The following SLIT2 variants were observed in gnomAD, a reference collection of about 807,000 sequenced individuals.
SLIT2 encodes slit guidance ligand 2, also known as slit homolog 2 protein.
In SLIT2, 41 loss-of-function variants were observed where a neutral mutation model predicts 185.7. That is an observed-to-expected ratio of 0.22 (90% CI 0.17 to 0.29). The LOEUF is 0.29. SLIT2 is among the 10% of genes least tolerant of loss of function. The pLI is 1.00. For missense variants in SLIT2, 1,571 were observed against 1,909.0 expected, an observed-to-expected ratio of 0.82 and a Z score of 3.30; for synonymous variants, 693 against 680.2, an observed-to-expected ratio of 1.02 and a Z score of -0.29.
chr4:20,283,116 G>GCA (rs1714942165), intron 4 of SLIT2, among the ~76,000 whole-genome samples: 1 of 119,624 alleles, frequency 8.4e-6, no homozygotes, highest in Admixed American at 9.1e-5. Flanking sequence ...CTGTGTGCGC[G>GCA]CGCGCACACA....
At chr4:20,473,031 A>G (rs1192793989) in intron 5 of SLIT2, among the ~76,000 whole-genome samples, 1 of 151,886 alleles carries the variant, frequency 6.6e-6, no homozygotes, top group East Asian at 1.9e-4. Context: ...TTGGTTTTTT[A>G]GTGAGTTCAA....
In SLIT2 at chr4:20,361,171, G is replaced by A. The variant is rs181058311; in HGVS notation, c.395+92290G>A. 9.2e-5 allele frequency among the ~76,000 whole-genome samples: 14 copies of A among 151,970 alleles called. No individual in the cohort carries two copies. In the East Asian group the frequency reaches 2.7e-3, roughly 29 times the overall value. On this transcript the variant is annotated intron_variant, in intron 4 of 36. Transcript: ENST00000504154. ...CTCCTTAGGTGAGTGGTTTTCAAAC[G>A]ATATCCTAAAGGTCTCCAGAAATTT... is the stretch of plus-strand genomic sequence containing the variant.
chr4:20,396,038 A>G (rs1181017653), intron 4 of SLIT2, among the ~76,000 whole-genome samples: 2 of 151,904 alleles, frequency 1.3e-5, no homozygotes, highest in African/African-American at 2.4e-5. Flanking sequence ...CCCCCAAACT[A>G]CATTTCATTA....
intron 4 of SLIT2, among the ~76,000 whole-genome samples, chr4:20,280,132 G>A (rs1714584801): frequency 6.6e-6 from 1 of 152,032 alleles, no homozygotes; most frequent in South Asian, 2.1e-4. Context: ...AGGAGATCCA[G>A]ACCATCCTGG....
chr4:20,584,385 G>A (rs1726871188), intron 29 of SLIT2, among the ~76,000 whole-genome samples: 2 of 152,316 alleles, frequency 1.3e-5, no homozygotes, highest in East Asian at 1.9e-4. Flanking sequence ...CAACTCTGAT[G>A]ATCCAGCTTT....
At chr4:20,502,609 C>G (rs1187568101) in intron 9 of SLIT2, among the ~76,000 whole-genome samples, 1 of 152,140 alleles carries the variant, frequency 6.6e-6, no homozygotes, top group Non-Finnish European at 1.5e-5. Context: ...ATGTGTTTTG[C>G]AGGTAGAGAA....
intron 29 of SLIT2, among the ~76,000 whole-genome samples, chr4:20,570,077 G>A (rs1311017871): frequency 1.3e-5 from 2 of 152,056 alleles, no homozygotes; most frequent in African/African-American, 2.4e-5. Flanking sequence ...ATGAGGCTCG[G>A]TTTTGGCAAC....
At chr4:20,345,756 G>A (rs553059245) in intron 4 of SLIT2, among the ~76,000 whole-genome samples, 1 of 151,636 alleles carries the variant, frequency 6.6e-6, no homozygotes, top group Non-Finnish European at 1.5e-5. Context: ...GAATGGTCTC[G>A]ATCTCCTGAC....
intron 14 of SLIT2, 122 bp from the exon 15 acceptor site, chr4:20,525,027 G>T: frequency 1.4e-6 from 1 of 716,158 alleles, no homozygotes; most frequent in Non-Finnish European, 2.5e-6. Flanking sequence ...AGTCACAGCT[G>T]TGAATATACA....
At chr4:20,375,451 C>A (rs912891928) in intron 4 of SLIT2, among the ~76,000 whole-genome samples, 1 of 152,128 alleles carries the variant, frequency 6.6e-6, no homozygotes, top group East Asian at 1.9e-4. Flanking sequence ...ATAGTTTATA[C>A]TTAAAAATAT....
At chr4:20,554,683 G>A (rs1724087944) in intron 26 of SLIT2, among the ~76,000 whole-genome samples, 1 of 151,896 alleles carries the variant, frequency 6.6e-6, no homozygotes, top group Admixed American at 6.6e-5. Context: ...TCAACTATAT[G>A]GATTTAGGTT....
intron 4 of SLIT2, among the ~76,000 whole-genome samples, chr4:20,319,216 A>T (rs1201731247): frequency 6.6e-6 from 1 of 152,178 alleles, no homozygotes; most frequent in Non-Finnish European, 1.5e-5. Context: ...TGGACTATCT[A>T]TTTAAATTAG....
In SLIT2 at chr4:20,580,803, G is replaced by T. The variant is rs941881950; in HGVS notation, c.3089-8841G>T. Among the ~76,000 whole-genome samples the T allele has an allele frequency of 3.9e-5, 6 of 152,226 alleles. No individual in the cohort carries two copies. The East Asian group carries it at 1.2e-3, about 29-fold the overall frequency. The stretch of plus-strand genomic sequence containing the variant: ...TTACATCTTGACTCTCTTGAAGCAC[G>T]GGGAGCCTTGTCATGGAGCACTCCT... On this transcript the variant is annotated intron_variant, in intron 29 of 36. Transcript: ENST00000504154.
chr4:20,537,233 G>A (rs1193991599), intron 18 of SLIT2, among the ~76,000 whole-genome samples: 2 of 152,172 alleles, frequency 1.3e-5, no homozygotes, highest in Non-Finnish European at 2.9e-5. Flanking sequence ...ACAACTGGCA[G>A]CACGGTAGGT....
intron 20 of SLIT2, 39 bp downstream of exon 20, chr4:20,541,658 C>A: frequency 2.0e-6 from 3 of 1,530,328 alleles, no homozygotes; most frequent in South Asian, 1.1e-5. Context: ...GTCAGGCATT[C>A]ACATGCCTGT....
intron 4 of SLIT2, among the ~76,000 whole-genome samples, chr4:20,348,104 A>T (rs1721575365): frequency 6.6e-6 from 1 of 152,158 alleles, no homozygotes. Flanking sequence ...TTACGTATTT[A>T]TTTATTTTTG....
chr4:20,597,071 T>G (rs572662561), intron 32 of SLIT2, among the ~76,000 whole-genome samples: 19 of 149,944 alleles, frequency 1.3e-4, no homozygotes, highest in South Asian at 1.1e-3. Context: ...TTTTGTTGTT[T>G]TTTTTTTTTT....
chr4:20,412,879 T>C (rs920620915), intron 4 of SLIT2, among the ~76,000 whole-genome samples: 1 of 152,116 alleles, frequency 6.6e-6, no homozygotes, highest in African/African-American at 2.4e-5. Flanking sequence ...GGAAAATCAA[T>C]CATGAATGTA....
rs77581400 is a variant in SLIT2, at chr4:20,446,268, A to G, written c.396-21484A>G. On this transcript the variant is annotated intron_variant, in intron 4 of 36. Transcript: ENST00000504154. ...CTCAGCCATGAGCTTGATTTCTTCT[A>G]TTTTTCCATGGGAGCCCATATTATC... Among the ~76,000 whole-genome samples, 146 of 152,068 alleles carry G rather than the reference A, an allele frequency of 9.6e-4. 1 individual carries two copies. Among genetic ancestry groups the G allele is most frequent in the African/African-American group, 3.2e-3 (131 of 41,484 alleles).
Sources: allele counts gnomAD v4.1 joint callset (sites outside exome capture counted in the v4.1 genomes callset), GRCh38; gene constraint gnomAD v4.1.1; transcripts MANE v1.5; gene names NCBI Gene and HGNC (gene_info 2026-07-23, HGNC 2026-07-21).